Variants in LYST observed in about 807,000 individuals in gnomAD.
The protein encoded by LYST is lysosomal trafficking regulator.
A neutral mutation model predicts 413.6 loss-of-function variants in LYST; 192 were observed. The observed-to-expected ratio is 0.46, with a 90% CI of 0.41 to 0.52. The LOEUF (loss-of-function observed/expected upper bound fraction) is 0.52, where lower values mean the gene tolerates loss of function less well. Ranked by LOEUF, LYST falls within the 20% of genes least tolerant of loss-of-function variation. LYST has a pLI of 0.00. For missense variants in LYST, 3,815 were observed against 4,499.9 expected, an observed-to-expected ratio of 0.85 and a Z score of 4.35; for synonymous variants, 1,525 against 1,567.3, an observed-to-expected ratio of 0.97 and a Z score of 0.64.
intron 31 of LYST, chr1:235,737,963 T>TAAAAAACATA: frequency 2.2e-6 from 3 of 1,346,180 alleles, no homozygotes; most frequent in Non-Finnish European, 2.9e-6. Flanking sequence ...GGACGTGCAT[T>TAAAAAACATA]CTCGATTCCT....
intron 47 of LYST, among the ~76,000 whole-genome samples, chr1:235,691,416 A>G (rs182365741): frequency 8.4e-4 from 128 of 152,350 alleles, no homozygotes; most frequent in Middle Eastern, 6.8e-3. Context: ...TTTAGGCCCA[A>G]TGTTCTTTCT....
Position 235,689,047 on chromosome 1 carries a change from C to CAACAACAAT in LYST, c.10702-2001_10702-2000insATTGTTGTT, listed in dbSNP as rs1553265863. On this transcript the variant is annotated intron_variant, in intron 47 of 52. Coordinates refer to ENST00000389793, the MANE Select transcript of LYST (RefSeq NM_000081.4). ...ATAATAACAACAACAACAACAACAA[C>CAACAACAAT]AATAATATCCTAGCTGAATTTTCTC... 4.4e-3 allele frequency among the ~76,000 whole-genome samples: 623 copies of CAACAACAAT among 141,392 alleles called. 13 individuals are homozygous for CAACAACAAT. The highest frequency in any genetic ancestry group is 7.6e-3 in the African/African-American group (288 of 37,800). 92.8% of individuals were successfully genotyped at this position (141,392 alleles called of 152,430 possible). A position where few individuals can be genotyped will look rare whatever the true frequency, so the allele number is the denominator to read the frequency against.
rs1357600640 is a variant in LYST at position 235,809,286 on chromosome 1, T to C, written c.1532A>G (p.His511Arg). 7.4e-6 allele frequency: 12 copies of C among 1,614,102 alleles called. No individual in the cohort carries two copies. Among genetic ancestry groups the C allele is most frequent in the South Asian group, 5.5e-5 (5 of 91,088 alleles). Residue 511 changes from histidine (H) to arginine (R), a missense_variant, in exon 5 of 53, where the codon CAT (histidine) becomes CGT (arginine). By Grantham distance (29) the His-to-Arg change is conservative. This residue lies in a region of LYST where 1,648 missense variants were observed against 1,810.3 expected (regional missense o/e 0.91). Transcript: ENST00000389793. This position sits in a 1 kb window ranked among gnomAD's most constrained non-coding sequence, Gnocchi z 4.0. ...HRRCEYSHFMHHHRDLSGLLV... is the reference protein window; with the variant it reads ...HRRCEYSHFMRHHRDLSGLLV... ...AAGACCTGAGAGATCTCGGTGATGA[T>C]GCATAAAATGAGAATATTCACATCG...
At chr1:235,735,039 C>T (rs961380866) in intron 31 of LYST, 8 of 156,252 alleles carry the variant, frequency 5.1e-5, no homozygotes, top group South Asian at 1.9e-4. Flanking sequence ...GTATTTATTA[C>T]GCTATTCTTT....
chr1:235,817,733 G>A (rs1462385510), intron 3 of LYST, among the ~76,000 whole-genome samples: 1 of 152,068 alleles, frequency 6.6e-6, no homozygotes, highest in Admixed American at 6.5e-5. Context: ...TGGGAGAAGG[G>A]TGAGGATCAA....
chr1:235,781,293 A>G (rs995248145), intron 15 of LYST, among the ~76,000 whole-genome samples: 3 of 152,306 alleles, frequency 2.0e-5, no homozygotes, highest in African/African-American at 7.2e-5. Context: ...TAATTAAATC[A>G]TAACATTTCC....
intron 11 of LYST, 47 bp from the exon 12 acceptor site, chr1:235,792,172 G>A (rs1361161250): frequency 8.2e-7 from 1 of 1,220,650 alleles, no homozygotes; most frequent in Admixed American, 1.8e-5. Context: ...ACGTAATAAA[G>A]TACATAATAA....
Position 235,800,321 on chromosome 1 carries a change from T to C in LYST, c.4005A>G (p.Gln1335=), listed in dbSNP as rs762965409. The C allele has an allele frequency of 6.4e-7, 1 of 1,570,982 alleles. No homozygotes were observed. The highest frequency in any genetic ancestry group is 8.8e-7 in the Non-Finnish European group (1 of 1,141,060). ...TTGTTTAAAACAGTTTCAACTTACCTTGAAAATCAGAATCATCCTGTGTTA... is the reference window on the plus strand; with the variant it reads ...TTGTTTAAAACAGTTTCAACTTACCCTGAAAATCAGAATCATCCTGTGTTA... ...SILTQDDSDF[Q]ACQRVLVDLL... is the part of the protein sequence containing the mutation. Residue 1335 remains glutamine (Q), a splice_region_variant and synonymous_variant, in exon 10 of 53, where the codon CAA becomes CAG. Coordinates refer to ENST00000389793, the MANE Select transcript of LYST (RefSeq NM_000081.4).
chr1:235,806,466 G>GT lies in LYST; in HGVS notation c.2669dup (p.Asn890LysfsTer22). The GT allele has an allele frequency of 6.2e-7, 1 of 1,614,058 alleles. No individual in the cohort carries two copies. Among genetic ancestry groups the GT allele is most frequent in the Non-Finnish European group, 8.5e-7 (1 of 1,179,970 alleles). ...TTATTGTGTTGATATGAACATCTTG[G>GT]TTAACAGTCTTCCGTCTCTTTGGAT... On this transcript the variant is annotated frameshift_variant, in exon 6 of 53. Transcript: ENST00000389793. LOFTEE classifies it high-confidence loss of function.
At chr1:235,875,576 G>C (rs561210821) in intron 1 of LYST, among the ~76,000 whole-genome samples, 2 of 152,294 alleles carry the variant, frequency 1.3e-5, no homozygotes, top group East Asian at 3.9e-4. Context: ...GCTGATGGAA[G>C]GAGTCCTGCC....
intron 1 of LYST, among the ~76,000 whole-genome samples, chr1:235,838,177 G>C (rs151200400): frequency 3.5e-4 from 54 of 152,322 alleles, no homozygotes; most frequent in African/African-American, 1.2e-3. Context: ...ACTGCCAGCT[G>C]AGAGTGAGAA....
chr1:235,698,892 C>CA (rs1003337634), intron 45 of LYST, among the ~76,000 whole-genome samples: 21 of 151,244 alleles, frequency 1.4e-4, no homozygotes, highest in Admixed American at 5.3e-4. Context: ...AAAACAAAAA[C>CA]AAAAAAAATC....
At chr1:235,815,071 C>T (rs373446522) in intron 3 of LYST, among the ~76,000 whole-genome samples, 34 of 152,326 alleles carry the variant, frequency 2.2e-4, no homozygotes, top group African/African-American at 7.9e-4. Flanking sequence ...TAACACCCTA[C>T]CTGCTTCCCT....
intron 1 of LYST, among the ~76,000 whole-genome samples, chr1:235,877,699 C>A (rs1028212842): frequency 6.6e-6 from 1 of 152,198 alleles, no homozygotes; most frequent in East Asian, 1.9e-4. Flanking sequence ...AGCCACCGCG[C>A]CTGGCCGGTC....
intron 1 of LYST, among the ~76,000 whole-genome samples, chr1:235,882,053 C>CACAT (rs1681397226): frequency 6.8e-6 from 1 of 146,550 alleles, no homozygotes; most frequent in South Asian, 2.2e-4. Flanking sequence ...CACACACTCA[C>CACAT]ACATACACAC....
intron 24 of LYST, among the ~76,000 whole-genome samples, chr1:235,756,536 G>A (rs550781966): frequency 6.6e-6 from 1 of 152,088 alleles, no homozygotes; most frequent in Non-Finnish European, 1.5e-5. Flanking sequence ...ATACTAGGTT[G>A]TATTGCAAGT....
At chr1:235,778,143 G>C (rs899681472) in intron 16 of LYST, among the ~76,000 whole-genome samples, 6 of 141,644 alleles carry the variant, frequency 4.2e-5, no homozygotes, top group African/African-American at 1.8e-4. Flanking sequence ...ACATGGTCTT[G>C]TTATGTTGCC....
chr1:235,808,689 T>C lies in LYST; in HGVS notation c.2129A>G (p.Gln710Arg). 1 of 1,613,938 alleles carries C rather than the reference T, an allele frequency of 6.2e-7. No individual in the cohort carries two copies. Among genetic ancestry groups the C allele is most frequent in the South Asian group, 1.1e-5 (1 of 91,088 alleles). The change falls in exon 5 of 53, where the codon CAG (glutamine) becomes CGG (arginine). Residue 710 changes from glutamine (Q) to arginine (R), a missense_variant. Physicochemically the swap from Gln to Arg is conservative, Grantham distance 43 (BLOSUM62 1). This residue lies in a region of LYST where 1,648 missense variants were observed against 1,810.3 expected (regional missense o/e 0.91). Coordinates refer to ENST00000389793, the MANE Select transcript of LYST (RefSeq NM_000081.4). ...TAAATTGCAAATGTGATTTGCAATC[T>C]GTATACTATGTAATCTGTCTTCTTC... is the stretch of plus-strand genomic sequence containing the variant. The part of the protein sequence containing the change: ...VFEEDRLHSI[Q>R]IANHICNLIQ...
chr1:235,824,949 G>A (rs1316202020), intron 3 of LYST, among the ~76,000 whole-genome samples: 2 of 152,060 alleles, frequency 1.3e-5, no homozygotes, highest in Non-Finnish European at 2.9e-5. Flanking sequence ...AAACCTGGAT[G>A]GCAGAGGTTG....
Sources: allele counts gnomAD v4.1 joint callset (sites outside exome capture counted in the v4.1 genomes callset), GRCh38; gene constraint gnomAD v4.1.1; regional missense constraint gnomAD v4.1.1; non-coding constraint Gnocchi (gnomAD v3.1); transcripts MANE v1.5; gene names NCBI Gene and HGNC (gene_info 2026-07-23, HGNC 2026-07-21).